TRHDE: variants seen among roughly 807,000 people sequenced by gnomAD.
TRHDE encodes the protein thyrotropin releasing hormone degrading enzyme, also known as thyrotropin-releasing hormone-degrading ectoenzyme.
A neutral mutation model predicts 125.7 loss-of-function variants in TRHDE; 72 were observed. The observed-to-expected ratio is 0.57, with a 90% CI of 0.47 to 0.70. The LOEUF (loss-of-function observed/expected upper bound fraction) is 0.70, where lower values mean the gene tolerates loss of function less well. TRHDE is among the 30% of genes least tolerant of loss of function. TRHDE has a pLI of 0.00. For missense variants in TRHDE, 1,110 were observed against 1,327.1 expected, an observed-to-expected ratio of 0.84 and a Z score of 2.54; for synonymous variants, 509 against 509.1, an observed-to-expected ratio of 1.00 and a Z score of 0.00.
intron 2 of TRHDE, among the ~76,000 whole-genome samples, chr12:72,106,359 G>A (rs1007140183): frequency 6.6e-6 from 1 of 151,962 alleles, no homozygotes; most frequent in African/African-American, 2.4e-5. Context: ...ATTGTTAATT[G>A]ATTTTAGTTA....
intron 5 of TRHDE, among the ~76,000 whole-genome samples, chr12:72,474,893 T>C (rs1340511908): frequency 6.6e-6 from 1 of 152,164 alleles, no homozygotes; most frequent in African/African-American, 2.4e-5. Flanking sequence ...AACAAAAATG[T>C]GAAGATAGTA....
chr12:72,597,485 T>C (rs1871991490), intron 12 of TRHDE, among the ~76,000 whole-genome samples: 1 of 151,546 alleles, frequency 6.6e-6, no homozygotes, highest in Non-Finnish European at 1.5e-5. Flanking sequence ...CTGGCCAACA[T>C]GGTGAAACCC....
intron 2 of TRHDE, among the ~76,000 whole-genome samples, chr12:72,156,006 A>G (rs1876497424): frequency 6.6e-6 from 1 of 152,198 alleles, no homozygotes; most frequent in Non-Finnish European, 1.5e-5. Context: ...GATTCTACAG[A>G]GGCAGGCAGG....
At chr12:72,465,640 T>C (rs1216995816) in intron 3 of TRHDE, among the ~76,000 whole-genome samples, 1 of 152,176 alleles carries the variant, frequency 6.6e-6, no homozygotes, top group African/African-American at 2.4e-5. Context: ...TTGTTCCTAG[T>C]TTTTAGCTAC....
chr12:72,274,425 T>C (rs1256790118), intron 1 of TRHDE: 1 of 152,240 alleles, frequency 6.6e-6, no homozygotes, highest in East Asian at 1.9e-4. Flanking sequence ...TCACCACTTG[T>C]TTAGAGCTCA....
chr12:72,225,031 A>G (rs542680584), intron 2 of TRHDE, among the ~76,000 whole-genome samples: 3 of 152,148 alleles, frequency 2.0e-5, no homozygotes, highest in Non-Finnish European at 4.4e-5. Context: ...ATTTGCATTG[A>G]TCTTAAGTAA....
At chr12:72,385,690 TTACTC>T (rs1872380661) in intron 3 of TRHDE, among the ~76,000 whole-genome samples, 1 of 152,140 alleles carries the variant, frequency 6.6e-6, no homozygotes, top group South Asian at 2.1e-4. Flanking sequence ...CCTTCATTAA[TTACTC>T]TATAATATGG....
intron 2 of TRHDE, among the ~76,000 whole-genome samples, chr12:72,250,439 G>C (rs560256357): frequency 1.3e-5 from 2 of 152,252 alleles, no homozygotes; most frequent in Non-Finnish European, 2.9e-5. Flanking sequence ...AGATAATCCA[G>C]CTTTGAGGAT....
At chr12:72,199,107 T>C (rs1006716631) in intron 2 of TRHDE, among the ~76,000 whole-genome samples, 5 of 152,152 alleles carry the variant, frequency 3.3e-5, no homozygotes, top group Non-Finnish European at 7.4e-5. Flanking sequence ...ACATGGGGAA[T>C]TACAATCCAA....
rs1033482144 is a variant in TRHDE at position 72,131,141 on chromosome 12, G to A, written n.279+25389G>A. Among the ~76,000 whole-genome samples the A allele has an allele frequency of 2.9e-5, 4 of 138,710 alleles. No individual in the cohort carries two copies. The East Asian group carries it at 8.5e-4, about 29-fold the overall frequency. The allele number at this position is 138,710 out of a possible 152,430, so 91.0% of individuals were successfully genotyped here. On this transcript the variant is annotated intron_variant and non_coding_transcript_variant, in intron 2 of 4. Transcript: ENST00000548156. ...GGCTGGAGTGCAGTGGCGCGATTTC[G>A]ACTCACTGAAAGCTCCGCCTCCCGG... is the stretch of plus-strand genomic sequence containing the variant.
At chr12:72,596,262 G>A (rs1871935269) in intron 12 of TRHDE, among the ~76,000 whole-genome samples, 1 of 152,036 alleles carries the variant, frequency 6.6e-6, no homozygotes, top group African/African-American at 2.4e-5. Flanking sequence ...AAACATCTTT[G>A]AATAAATATG....
At chr12:72,512,647 C>CATATATA (rs1352173503) in intron 6 of TRHDE, among the ~76,000 whole-genome samples, 3 of 139,150 alleles carry the variant, frequency 2.2e-5, no homozygotes, top group Non-Finnish European at 4.6e-5. Flanking sequence ...CATATATAAT[C>CATATATA]ATATATAATA....
chr12:72,238,600 G>T (rs776116093), intron 2 of TRHDE, among the ~76,000 whole-genome samples: 1 of 150,900 alleles, frequency 6.6e-6, no homozygotes, highest in Non-Finnish European at 1.5e-5. Flanking sequence ...GTGTCCATGT[G>T]TTCTCCCTGT....
intron 2 of TRHDE, among the ~76,000 whole-genome samples, chr12:72,121,473 T>A (rs1313043083): frequency 6.6e-6 from 1 of 152,172 alleles, no homozygotes; most frequent in Non-Finnish European, 1.5e-5. Context: ...TTTTGCCCTG[T>A]GTTGCTTTCC....
chr12:72,410,663 C>A (rs368453525), intron 3 of TRHDE, among the ~76,000 whole-genome samples: 2 of 152,022 alleles, frequency 1.3e-5, no homozygotes, highest in African/African-American at 4.8e-5. Context: ...AAGTCAACAT[C>A]TAGTTCATGA....
intron 1 of TRHDE, among the ~76,000 whole-genome samples, chr12:72,091,036 A>T (rs1163484429): frequency 1.3e-5 from 2 of 151,940 alleles, no homozygotes; most frequent in Non-Finnish European, 2.9e-5. Context: ...TGCCTGGTTA[A>T]TTTTTATTTT....
At chr12:72,556,163 T>C (rs1256190966) in intron 7 of TRHDE, among the ~76,000 whole-genome samples, 3 of 152,226 alleles carry the variant, frequency 2.0e-5, no homozygotes, top group Non-Finnish European at 4.4e-5. Flanking sequence ...TAGTGTTCTT[T>C]AGTTTTTATT....
intron 7 of TRHDE, among the ~76,000 whole-genome samples, chr12:72,558,963 T>A (rs878857235): frequency 1.3e-5 from 2 of 152,138 alleles, no homozygotes; most frequent in Admixed American, 1.3e-4. Context: ...GGGGTTTGGA[T>A]GTAGGCTGAA....
rs1325464830 is a variant in TRHDE, at chr12:72,430,321, G to GTATA, written c.1316-39436_1316-39433dup. ...TATGTATATATATGTATATATACAT[G>GTATA]TATACATATATACATGTATATATAC... On this transcript the variant is annotated intron_variant, in intron 3 of 18. Transcript: ENST00000261180. Among the ~76,000 whole-genome samples, 862 of 143,426 alleles carry GTATA rather than the reference G, an allele frequency of 6.0e-3. 10 individuals carry two copies. Among genetic ancestry groups the GTATA allele is most frequent in the African/African-American group, 0.021 (828 of 38,898 alleles). The allele number at this position is 143,426 out of a possible 152,430, so 94.1% of individuals were successfully genotyped here. A position where few individuals can be genotyped will look rare whatever the true frequency, so the allele number is the denominator to read the frequency against.
Sources: allele counts gnomAD v4.1 joint callset (sites outside exome capture counted in the v4.1 genomes callset), GRCh38; gene constraint gnomAD v4.1.1; transcripts MANE v1.5; gene names NCBI Gene and HGNC (gene_info 2026-07-23, HGNC 2026-07-21).